The following MSI2 variants were observed in gnomAD, a reference collection of about 807,000 sequenced individuals.
The protein encoded by MSI2 is musashi RNA binding protein 2.
MSI2 carries 17 observed loss-of-function variants against 45.6 expected under a neutral mutation model. That is an observed-to-expected ratio of 0.37 (90% CI 0.26 to 0.56). MSI2 has a LOEUF of 0.56. Among genes scored for constraint, MSI2 ranks in the 20% least tolerant of loss-of-function variants. The pLI, the probability that MSI2 is intolerant of heterozygous loss-of-function variation, is 0.77. For synonymous variants in MSI2, 156 were observed against 158.2 expected (o/e 0.99, Z 0.11); for missense variants, 293 against 444.2 (o/e 0.66, Z 3.06).
the MSI2 span, among the ~76,000 whole-genome samples, chr17:57,696,931 AT>A: frequency 2.0e-5 from 3 of 151,992 alleles, no homozygotes; most frequent in Non-Finnish European, 2.9e-5. Context: ...TTCTCTGCTC[AT>A]TTGCTATACA....
intron 1 of MSI2, 92 bp from the exon 2 acceptor site, chr17:57,257,006 C>A (rs980210097): frequency 1.6e-5 from 25 of 1,571,014 alleles, no homozygotes; most frequent in Non-Finnish European, 1.9e-5. Context: ...CTCGCTCGCT[C>A]CCCCCCGCTT....
intron 5 of MSI2, among the ~76,000 whole-genome samples, chr17:57,387,843 G>T (rs754404487): frequency 1.3e-5 from 2 of 152,276 alleles, no homozygotes; most frequent in Non-Finnish European, 2.9e-5. Flanking sequence ...GGTGGGGAGG[G>T]GGAAGAGGGA....
At chr17:57,408,762 C>T (rs2084132467) in intron 6 of MSI2, among the ~76,000 whole-genome samples, 1 of 152,158 alleles carries the variant, frequency 6.6e-6, no homozygotes, top group African/African-American at 2.4e-5. Flanking sequence ...AATCATGGTT[C>T]AAGCTTGTGC....
intron 7 of MSI2, among the ~76,000 whole-genome samples, chr17:57,569,170 G>A (rs2087810702): frequency 6.6e-6 from 1 of 152,166 alleles, no homozygotes; most frequent in Non-Finnish European, 1.5e-5. Flanking sequence ...TAGCTGGGAA[G>A]CATGTTAGTA....
At chr17:57,287,131 G>GTT (rs11453609) in intron 5 of MSI2, among the ~76,000 whole-genome samples, 20 of 147,086 alleles carry the variant, frequency 1.4e-4, no homozygotes, top group African/African-American at 5.1e-4. Context: ...TCAAAAAGTT[G>GTT]TTTTTTTTTT....
chr17:57,394,695 T>C (rs1169639751), intron 5 of MSI2, among the ~76,000 whole-genome samples: 1 of 152,208 alleles, frequency 6.6e-6, no homozygotes, highest in Admixed American at 6.6e-5. Context: ...CAGGTGTCAT[T>C]TGACCATTTA....
chr17:57,695,908 CGT>C, the MSI2 span, among the ~76,000 whole-genome samples: 1 of 152,084 alleles, frequency 6.6e-6, no homozygotes, highest in Admixed American at 6.5e-5. Flanking sequence ...CCTCACTGTG[CGT>C]GTGTGTGGTG....
chr17:57,536,703 C>G (rs1015790375), intron 7 of MSI2, among the ~76,000 whole-genome samples: 4 of 152,170 alleles, frequency 2.6e-5, no homozygotes, highest in African/African-American at 9.7e-5. Flanking sequence ...AATTCTGCAC[C>G]AGGATTAGAA....
intron 9 of MSI2, among the ~76,000 whole-genome samples, chr17:57,624,132 C>T (rs1908571308): frequency 6.6e-6 from 1 of 152,162 alleles, no homozygotes; most frequent in Admixed American, 6.5e-5. Context: ...GTATTTGTCA[C>T]CTAAGTGCAG....
chr17:57,615,146 A>G (rs1319302149), intron 8 of MSI2, among the ~76,000 whole-genome samples: 1 of 102,682 alleles, frequency 9.7e-6, no homozygotes, highest in Admixed American at 1.0e-4. Context: ...TTTTTTTTTT[A>G]AGACAGGGTC....
At chr17:57,594,036 C>A (rs1321891011) in intron 7 of MSI2, among the ~76,000 whole-genome samples, 2 of 152,170 alleles carry the variant, frequency 1.3e-5, no homozygotes, top group African/African-American at 4.8e-5. Context: ...AGCAGTGACT[C>A]AAGTGGATTA....
At chr17:57,361,198 T>C (rs905086138) in intron 5 of MSI2, among the ~76,000 whole-genome samples, 3 of 152,324 alleles carry the variant, frequency 2.0e-5, no homozygotes, top group South Asian at 4.1e-4. Context: ...CTACTTAACC[T>C]ATCATCAACT....
At chr17:57,559,432 A>C (rs988170256) in intron 7 of MSI2, among the ~76,000 whole-genome samples, 4 of 152,200 alleles carry the variant, frequency 2.6e-5, no homozygotes, top group Non-Finnish European at 5.9e-5. Context: ...CCCATTGGCA[A>C]TACCAACTTC....
At chr17:57,261,253 G>C (rs955200820) in intron 4 of MSI2, among the ~76,000 whole-genome samples, 1 of 152,144 alleles carries the variant, frequency 6.6e-6, no homozygotes, top group Non-Finnish European at 1.5e-5. Context: ...TTTTGCAAGT[G>C]TGTGATTTGG....
At chr17:57,547,130 A>C (rs1019284940) in intron 7 of MSI2, among the ~76,000 whole-genome samples, 1 of 152,194 alleles carries the variant, frequency 6.6e-6, no homozygotes, top group African/African-American at 2.4e-5. Context: ...GATAACAGCA[A>C]GTGTGCAGGA....
At chr17:57,353,953 G>C (rs792382) in intron 5 of MSI2, among the ~76,000 whole-genome samples, 4,837 of 152,060 alleles carry the variant, frequency 0.032, 273 homozygotes, top group African/African-American at 0.11. Flanking sequence ...ATTTTGTGTA[G>C]GTATTTAACA....
At chr17:57,617,869 A>G (rs1268880749) in intron 9 of MSI2, among the ~76,000 whole-genome samples, 3 of 152,104 alleles carry the variant, frequency 2.0e-5, no homozygotes, top group African/African-American at 7.2e-5. Flanking sequence ...TCAGGAGTTC[A>G]AGACCAGTGC....
intron 10 of MSI2, among the ~76,000 whole-genome samples, chr17:57,648,397 G>A (rs1430288148): frequency 6.6e-6 from 1 of 152,170 alleles, no homozygotes; most frequent in Non-Finnish European, 1.5e-5. Flanking sequence ...CTCCTTTACA[G>A]TTGGGGACAT....
chr17:57,433,051 C>T (rs745464392), intron 6 of MSI2, among the ~76,000 whole-genome samples: 5 of 152,188 alleles, frequency 3.3e-5, no homozygotes, highest in African/African-American at 7.2e-5. Flanking sequence ...ACTCAGTTCA[C>T]GTCCGTGGGC....
Sources: gnomAD v4.1 joint callset for allele counts (sites outside exome capture counted in the v4.1 genomes callset) on GRCh38, gnomAD v4.1.1 for gene constraint, MANE v1.5 for transcripts, NCBI Gene and HGNC (gene_info 2026-07-23, HGNC 2026-07-21) for gene names.